EPB41L4A: variants seen among roughly 807,000 people sequenced by gnomAD.
The protein encoded by EPB41L4A is band 4.1-like protein 4A.
Under a neutral mutation model 108.6 loss-of-function variants are expected in EPB41L4A, and 100 were observed. The ratio of observed to expected loss-of-function variants is 0.92; its 90% CI spans 0.78 to 1.09. The LOEUF (loss-of-function observed/expected upper bound fraction) is 1.09, where lower values mean the gene tolerates loss of function less well. Ranked by LOEUF, EPB41L4A falls within the 50% of genes least tolerant of loss-of-function variation. The pLI is 0.00. For synonymous variants in EPB41L4A, 319 were observed against 289.0 expected, an observed-to-expected ratio of 1.10 and a Z score of -1.05; for missense variants, 1,030 against 842.7, an observed-to-expected ratio of 1.22 and a Z score of -2.75.
At chr5:112,266,118 CT>C (rs1012860976) in intron 5 of EPB41L4A, 114 bp downstream of exon 5, 51 of 749,984 alleles carry the variant, frequency 6.8e-5, no homozygotes, top group Non-Finnish European at 9.3e-5. Context: ...AATTCAATTT[CT>C]TTTTTTTGCA....
chr5:112,241,137 G>A (rs1339966124), intron 9 of EPB41L4A, among the ~76,000 whole-genome samples: 1 of 151,940 alleles, frequency 6.6e-6, no homozygotes, highest in Non-Finnish European at 1.5e-5. Flanking sequence ...GAAAAGCACG[G>A]ACCATGTGAA....
chr5:112,259,368 G>C, intron 8 of EPB41L4A, 76 bp from the exon 9 acceptor site: 1 of 1,196,286 alleles, frequency 8.4e-7, no homozygotes, highest in Non-Finnish European at 1.2e-6. Context: ...GTATCCAGTG[G>C]AAAAAGACTG....
chr5:112,301,174 G>C (rs1434226951), intron 2 of EPB41L4A, among the ~76,000 whole-genome samples: 2 of 152,022 alleles, frequency 1.3e-5, no homozygotes, highest in African/African-American at 4.8e-5. Context: ...TCTCGGTTTA[G>C]ATCCACTGCT....
At chr5:112,299,603 G>C (rs11749725) in intron 2 of EPB41L4A, among the ~76,000 whole-genome samples, 16,548 of 152,146 alleles carry the variant, frequency 0.11, 1,080 homozygotes, top group East Asian at 0.25. Flanking sequence ...TCAGGAGTTT[G>C]AGACCAGCCT....
At chr5:112,148,682 T>A (rs6898536) in intron 12 of EPB41L4A, among the ~76,000 whole-genome samples, 16 of 152,236 alleles carry the variant, frequency 1.1e-4, no homozygotes, top group African/African-American at 3.4e-4. Context: ...AGTAAGTTTT[T>A]TTTACAATAA....
chr5:112,282,335 G>A (rs890818128), intron 2 of EPB41L4A, among the ~76,000 whole-genome samples: 1 of 152,196 alleles, frequency 6.6e-6, no homozygotes, highest in Non-Finnish European at 1.5e-5. Flanking sequence ...TGCCATTCAT[G>A]TTAAACAAAA....
At chr5:112,162,496 T>C (rs923789661), downstream of EPB41L4A, 5 of 152,248 alleles carry the variant, frequency 3.3e-5, no homozygotes, top group Non-Finnish European at 7.3e-5. Flanking sequence ...TGGCTAGAAC[T>C]AGACTGATTT....
Position 112,234,708 on chromosome 5 carries a change from G to C in EPB41L4A, c.1013C>G (p.Pro338Arg). Residue 338 changes from proline (P) to arginine (R), a missense_variant, in exon 12 of 23, where the codon CCC (proline) becomes CGC (arginine). Coordinates refer to ENST00000261486, the MANE Select transcript of EPB41L4A (RefSeq NM_022140.5). ...TCTTGTCACATTCTGATCAGGCCGGGGAAGCTGAATAGAAAGATCTCGGCT... is the reference window on the plus strand; with the variant it reads ...TCTTGTCACATTCTGATCAGGCCGGCGAAGCTGAATAGAAAGATCTCGGCT... ...QMSRDLSIQLPRPDQNVTRSR... is the reference protein window; with the variant it reads ...QMSRDLSIQLRRPDQNVTRSR... 1 of 1,613,412 alleles carries C rather than the reference G, an allele frequency of 6.2e-7. No individual in the cohort carries two copies. The highest frequency in any genetic ancestry group is 8.5e-7 in the Non-Finnish European group (1 of 1,179,542).
At chr5:112,156,185 T>TA (rs144283336) in intron 12 of EPB41L4A, among the ~76,000 whole-genome samples, 7,092 of 151,996 alleles carry the variant, frequency 0.047, 203 homozygotes, top group Middle Eastern at 0.075. Context: ...ATTCTTAATT[T>TA]AAAAAAAACT....
chr5:112,259,318 C>T (rs755966766), intron 8 of EPB41L4A, 26 bp from the exon 9 acceptor site: 2 of 1,601,980 alleles, frequency 1.2e-6, no homozygotes, highest in East Asian at 4.5e-5. Flanking sequence ...GATGGTGTTG[C>T]TGCTGTTTTT....
intron 2 of EPB41L4A, among the ~76,000 whole-genome samples, chr5:112,302,913 T>C (rs1754460208): frequency 1.3e-5 from 2 of 152,156 alleles, no homozygotes; most frequent in South Asian, 2.1e-4. Context: ...CTGCCATCAT[T>C]GTTTCCCAGA....
At chr5:112,396,041 C>A (rs1160418811) in intron 1 of EPB41L4A, among the ~76,000 whole-genome samples, 4 of 152,014 alleles carry the variant, frequency 2.6e-5, no homozygotes, top group African/African-American at 7.2e-5. Context: ...TAGGTGGGAA[C>A]TGAACAATGA....
chr5:112,144,793 A>G (rs1200209765), intron 13 of EPB41L4A, among the ~76,000 whole-genome samples: 1 of 152,098 alleles, frequency 6.6e-6, no homozygotes, highest in Non-Finnish European at 1.5e-5. Context: ...CTGCTGTTAT[A>G]GTTGAATGTG....
chr5:112,199,323 T>C (rs572150416), intron 15 of EPB41L4A, among the ~76,000 whole-genome samples: 23 of 152,318 alleles, frequency 1.5e-4, no homozygotes, highest in African/African-American at 5.3e-4. Context: ...GCCTGGATTC[T>C]AGTATTCTGG....
chr5:112,332,858 A>G (rs754497611), intron 1 of EPB41L4A, among the ~76,000 whole-genome samples: 5 of 152,182 alleles, frequency 3.3e-5, no homozygotes, highest in Non-Finnish European at 7.3e-5. Flanking sequence ...ATTTATAAAT[A>G]GTAAAAGGCT....
intron 15 of EPB41L4A, 21 bp downstream of exon 15, chr5:112,204,354 G>A (rs1218619322): frequency 8.5e-6 from 13 of 1,527,796 alleles, no homozygotes; most frequent in Non-Finnish European, 1.2e-5. Flanking sequence ...GCTGCTAACA[G>A]AGAGATTGTG....
intron 9 of EPB41L4A, among the ~76,000 whole-genome samples, chr5:112,241,041 T>C (rs1749749606): frequency 6.6e-6 from 1 of 152,202 alleles, no homozygotes; most frequent in African/African-American, 2.4e-5. Flanking sequence ...TATTACCTAC[T>C]TTTACATTGC....
At chr5:112,410,902 A>C (rs1300112184) in intron 1 of EPB41L4A, among the ~76,000 whole-genome samples, 2 of 152,112 alleles carry the variant, frequency 1.3e-5, no homozygotes, top group Non-Finnish European at 2.9e-5. Flanking sequence ...CATTGCTACC[A>C]CCTGAGGATG....
chr5:112,244,404 G>T (rs895708912), intron 9 of EPB41L4A, among the ~76,000 whole-genome samples: 1 of 152,138 alleles, frequency 6.6e-6, no homozygotes, highest in African/African-American at 2.4e-5. Context: ...TCATTGTCAC[G>T]CATTGAGAAA....
Sources: allele counts gnomAD v4.1 joint callset (sites outside exome capture counted in the v4.1 genomes callset), GRCh38; gene constraint gnomAD v4.1.1; transcripts MANE v1.5; gene names NCBI Gene and HGNC (gene_info 2026-07-23, HGNC 2026-07-21).